Variants in KIF24 observed in about 807,000 individuals in gnomAD.
The protein encoded by KIF24 is kinesin family member 24, also known as kinesin-like protein KIF24.
A neutral mutation model predicts 118.9 loss-of-function variants in KIF24; 81 were observed. That is an observed-to-expected ratio of 0.68 (90% CI 0.57 to 0.82). KIF24 has a LOEUF of 0.82. Ranked by LOEUF, KIF24 falls within the 40% of genes least tolerant of loss-of-function variation. The probability of loss-of-function intolerance (pLI) is 0.00; values close to 1 mark genes in which losing one functional copy is unlikely to be tolerated. For missense variants in KIF24, 1,560 were observed against 1,661.6 expected (o/e 0.94, Z 1.06); for synonymous variants, 599 against 610.0 (o/e 0.98, Z 0.27).
intron 6 of KIF24, among the ~76,000 whole-genome samples, chr9:34,276,187 G>A (rs1835653842): frequency 6.6e-6 from 1 of 152,102 alleles, no homozygotes; most frequent in Non-Finnish European, 1.5e-5. Flanking sequence ...AGGATCACAA[G>A]GTCAGGAGTT....
Position 34,262,669 on chromosome 9 carries a change from A to T in KIF24, c.1515+432T>A, listed in dbSNP as rs1192507963. Among the ~76,000 whole-genome samples, 296 of 39,504 alleles carry T rather than the reference A, an allele frequency of 7.5e-3. 6 individuals are homozygous for T. The highest frequency in any genetic ancestry group is 9.6e-3 in the Non-Finnish European group (204 of 21,168). 25.9% of individuals were successfully genotyped at this position (39,504 alleles called of 152,430 possible). A position where few individuals can be genotyped will look rare whatever the true frequency, so the allele number is the denominator to read the frequency against. Reference sequence around the variant, plus strand: ...CAAAAAAAAAAAAAAAAAAAAAAAAAAAAAAAATATATATATATATATATA... The same window carrying T: ...CAAAAAAAAAAAAAAAAAAAAAAAATAAAAAAATATATATATATATATATA... On this transcript the variant is annotated intron_variant, in intron 9 of 12. Coordinates refer to ENST00000402558, the MANE Select transcript of KIF24 (RefSeq NM_194313.4).
intron 6 of KIF24, among the ~76,000 whole-genome samples, chr9:34,276,402 CA>C (rs11419785): frequency 2.1e-3 from 173 of 80,706 alleles, no homozygotes; most frequent in Non-Finnish European, 2.1e-3. Flanking sequence ...AACTGCATCT[CA>C]AAAAAAAAAA....
At chr9:34,281,189 C>A (rs1766344490) in intron 6 of KIF24, among the ~76,000 whole-genome samples, 2 of 152,128 alleles carry the variant, frequency 1.3e-5, no homozygotes, top group Non-Finnish European at 2.9e-5. Flanking sequence ...CCATACCCGG[C>A]TCATTTTTGT....
At chr9:34,319,168 C>T (rs2131828929) in intron 1 of KIF24, 6 of 1,602,364 alleles carry the variant, frequency 3.7e-6, no homozygotes, top group African/African-American at 1.3e-5. Flanking sequence ...AGCTGCAAAT[C>T]GTGGAGATGC....
At position 34,306,361 on chromosome 9, in the gene KIF24, A is replaced by C; in HGVS notation, c.704T>G (p.Met235Arg). Residue 235 changes from methionine to arginine, a missense_variant, in exon 3 of 13, where the codon ATG becomes AGG. Around this residue, in one of 3 missense-constraint regions of KIF24, gnomAD observed 964 missense variants for 988.0 expected, o/e 0.98. Transcript: ENST00000402558. ...AATTTCTCCACGACGTACCTCCCTC[A>C]TGCCCAGGGGGCGTTTTCGAACACA... ...RVCVRKRPLG[M>R]REVRRGEINI... is the part of the protein sequence containing the mutation. 1 of 1,612,226 alleles carries C rather than the reference A, an allele frequency of 6.2e-7. No homozygotes were observed. Among genetic ancestry groups the C allele is most frequent in the Middle Eastern group, 1.7e-4 (1 of 6,060 alleles).
intron 7 of KIF24, among the ~76,000 whole-genome samples, chr9:34,270,814 C>T (rs761550497): frequency 1.0e-4 from 15 of 149,408 alleles, no homozygotes; most frequent in Admixed American, 2.0e-4. Context: ...TGTTGCCAGA[C>T]TCTTGAGCCT....
rs200178053 is a variant in KIF24 at position 34,257,650 on chromosome 9, G to A, written c.1957C>T (p.Arg653Cys). The A allele has an allele frequency of 1.1e-4, 180 of 1,613,884 alleles. No individual in the cohort carries two copies. Among genetic ancestry groups the A allele is most frequent in the Non-Finnish European group, 1.1e-4 (133 of 1,179,880 alleles). ...IHASPVKGTV[R>C]SGHVAKKKPE... ...TTTTTTTTGGCCACATGTCCAGAGC[G>A]CACAGTTCCTTTCACAGGGCTAGCA... Residue 653 changes from arginine (R) to cysteine (C), a missense_variant, in exon 11 of 13, where the codon CGC (arginine) becomes TGC (cysteine). Physicochemically the swap from Arg to Cys is radical, Grantham distance 180. Coordinates refer to ENST00000402558, the MANE Select transcript of KIF24 (RefSeq NM_194313.4).
At chr9:34,315,502 C>A (rs1393303363) in intron 1 of KIF24, among the ~76,000 whole-genome samples, 1 of 152,176 alleles carries the variant, frequency 6.6e-6, no homozygotes, top group African/African-American at 2.4e-5. Flanking sequence ...TAAACTCCTG[C>A]AGAGTTTTGA....
intron 9 of KIF24, among the ~76,000 whole-genome samples, chr9:34,262,678 ATATATATATAT>A (rs1563936684): frequency 2.1e-3 from 37 of 17,362 alleles, no homozygotes; most frequent in Non-Finnish European, 3.2e-3. Flanking sequence ...AAAAAAAAAT[ATATATATATAT>A]ATATATATAT....
intron 6 of KIF24, among the ~76,000 whole-genome samples, chr9:34,277,962 C>G (rs1457081139): frequency 6.6e-6 from 1 of 152,130 alleles, no homozygotes; most frequent in East Asian, 1.9e-4. Context: ...TTTTAAGGGT[C>G]TCAGTTTCTT....
At chr9:34,331,537 A>AT (rs1837937268), upstream of KIF24, among the ~76,000 whole-genome samples, 1 of 152,220 alleles carries the variant, frequency 6.6e-6, no homozygotes, top group Non-Finnish European at 1.5e-5. Context: ...TACCAGACAG[A>AT]TGCAGGGGCA....
At chr9:34,326,016 G>A (rs995870040) in intron 1 of KIF24, among the ~76,000 whole-genome samples, 1 of 152,146 alleles carries the variant, frequency 6.6e-6, no homozygotes, top group African/African-American at 2.4e-5. Flanking sequence ...TGAGAGACTT[G>A]TATGAGATAG....
At chr9:34,331,149 A>G (rs909320434), upstream of KIF24, among the ~76,000 whole-genome samples, 25 of 152,208 alleles carry the variant, frequency 1.6e-4, no homozygotes, top group African/African-American at 6.0e-4. Flanking sequence ...TCTAGTTTCT[A>G]TATTAAAAGG....
At chr9:34,283,393 G>A (rs1049044686) in intron 6 of KIF24, among the ~76,000 whole-genome samples, 4 of 151,840 alleles carry the variant, frequency 2.6e-5, no homozygotes, top group Non-Finnish European at 4.4e-5. Flanking sequence ...AATAAAAAAA[G>A]AATGAATATT....
intron 3 of KIF24, among the ~76,000 whole-genome samples, chr9:34,300,850 C>CAAAAA (rs57919845): frequency 3.8e-5 from 4 of 105,630 alleles, no homozygotes; most frequent in African/African-American, 3.9e-5. Context: ...CGGCATTTCT[C>CAAAAA]AAAAAAAAAA....
chr9:34,297,252 G>T, intron 3 of KIF24, 138 bp from the exon 4 acceptor site: 1 of 566,332 alleles, frequency 1.8e-6, no homozygotes, highest in Non-Finnish European at 3.2e-6. Context: ...AGGTAAATAA[G>T]CAATCACTAT....
In KIF24 at chr9:34,256,745, T is replaced by A; in HGVS notation, c.2862A>T (p.Gly954=). 1.2e-6 allele frequency: 2 copies of A among 1,613,982 alleles called. No homozygotes were observed. Among genetic ancestry groups the A allele is most frequent in the Non-Finnish European group, 1.7e-6 (2 of 1,179,884 alleles). Residue 954 remains glycine, a synonymous_variant, in exon 11 of 13, where the codon GGA becomes GGT. Transcript: ENST00000402558. ...CCTTTCTGAGATCAAAGGAAGAGCC[T>A]CCACCTCTTTCCTGTCTATATATGA... is the stretch of plus-strand genomic sequence containing the variant. The part of the protein sequence containing the change: ...VDFIYRQERG[G]GSSFDLRKDA...
chr9:34,270,883 A>G (rs1286232559), intron 7 of KIF24, among the ~76,000 whole-genome samples: 5 of 149,568 alleles, frequency 3.3e-5, no homozygotes, highest in African/African-American at 7.4e-5. Flanking sequence ...CTGGAGATCA[A>G]TGGGGTGACA....
chr9:34,317,768 C>T (rs916177944), intron 1 of KIF24, among the ~76,000 whole-genome samples: 2 of 152,102 alleles, frequency 1.3e-5, no homozygotes, highest in Admixed American at 6.6e-5. Context: ...ACTTAAATAA[C>T]GGCCCCAAAG....
Sources: gnomAD v4.1 joint callset for allele counts (sites outside exome capture counted in the v4.1 genomes callset) on GRCh38, gnomAD v4.1.1 for gene constraint, gnomAD v4.1.1 regional missense constraint, MANE v1.5 for transcripts, NCBI Gene and HGNC (gene_info 2026-07-23, HGNC 2026-07-21) for gene names.